Variants in PTPRR observed in about 807,000 individuals in gnomAD.
The protein encoded by PTPRR is protein tyrosine phosphatase receptor type R.
A neutral mutation model predicts 77.2 loss-of-function variants in PTPRR; 38 were observed. The ratio of observed to expected loss-of-function variants is 0.49; its 90% CI spans 0.38 to 0.65. The LOEUF is 0.65. PTPRR is among the 30% of genes least tolerant of loss of function. PTPRR has a pLI of 0.00. For missense variants in PTPRR, 744 were observed against 799.2 expected (o/e 0.93, Z 0.83); for synonymous variants, 299 against 283.1 (o/e 1.06, Z -0.57).
At chr12:70,757,853 T>A (rs1513099) in intron 4 of PTPRR, among the ~76,000 whole-genome samples, 2 of 152,020 alleles carry the variant, frequency 1.3e-5, no homozygotes, top group African/African-American at 4.8e-5. Context: ...GTATAAGTTG[T>A]TATAAAAGAT....
intron 11 of PTPRR, 147 bp from the exon 12 acceptor site, chr12:70,661,244 T>C (rs1028809982): frequency 4.0e-6 from 4 of 997,850 alleles, no homozygotes; most frequent in Non-Finnish European, 6.1e-6. Context: ...TTTTGAAGAG[T>C]GCCCTTTTAC....
intron 2 of PTPRR, among the ~76,000 whole-genome samples, chr12:70,767,856 A>C (rs1385368590): frequency 6.6e-6 from 1 of 152,234 alleles, no homozygotes; most frequent in Non-Finnish European, 1.5e-5. Context: ...CAGGATTAAG[A>C]AACTCACTCA....
At chr12:70,837,641 C>A (rs1023639824) in intron 2 of PTPRR, among the ~76,000 whole-genome samples, 1 of 152,074 alleles carries the variant, frequency 6.6e-6, no homozygotes, top group Non-Finnish European at 1.5e-5. Flanking sequence ...GTTTCATGCC[C>A]TCTCTGGGTA....
chr12:70,843,959 G>T (rs1892440823), intron 2 of PTPRR, among the ~76,000 whole-genome samples: 1 of 151,824 alleles, frequency 6.6e-6, no homozygotes, highest in Non-Finnish European at 1.5e-5. Context: ...GGGTTTACAG[G>T]TGTCTGCCAC....
chr12:70,774,918 A>G (rs1159828053), intron 2 of PTPRR, among the ~76,000 whole-genome samples: 1 of 152,216 alleles, frequency 6.6e-6, no homozygotes, highest in Admixed American at 6.5e-5. Context: ...TGAAACCATA[A>G]CAAGTATGAC....
chr12:70,754,483 T>A (rs1592734906), intron 4 of PTPRR, 182 bp from the exon 5 acceptor site: 2 of 1,558,222 alleles, frequency 1.3e-6, no homozygotes, highest in East Asian at 4.5e-5. Flanking sequence ...TCCTTATATA[T>A]CGAGATTATT....
chr12:70,754,125 A>G, intron 5 of PTPRR, 66 bp downstream of exon 5: 1 of 1,433,636 alleles, frequency 7.0e-7, no homozygotes, highest in East Asian at 2.3e-5. Flanking sequence ...TTTGAATGGC[A>G]ATGTACCCAC....
chr12:70,882,974 AT>A (rs1461261965), intron 2 of PTPRR, among the ~76,000 whole-genome samples: 6 of 152,150 alleles, frequency 3.9e-5, no homozygotes, highest in African/African-American at 1.4e-4. Flanking sequence ...TAATCCTCCC[AT>A]TTAAAAGATA....
At chr12:70,801,081 T>A (rs1435403794) in intron 2 of PTPRR, among the ~76,000 whole-genome samples, 1 of 152,110 alleles carries the variant, frequency 6.6e-6, no homozygotes, top group East Asian at 1.9e-4. Flanking sequence ...GAATGAGAGT[T>A]AAATAGAGTA....
chr12:70,805,759 A>G (rs1385152950), intron 2 of PTPRR, among the ~76,000 whole-genome samples: 2 of 152,234 alleles, frequency 1.3e-5, no homozygotes, highest in Admixed American at 6.5e-5. Context: ...TTCCCATTCT[A>G]AGGATGAGGA....
intron 6 of PTPRR, among the ~76,000 whole-genome samples, chr12:70,729,110 T>C (rs1240823460): frequency 1.3e-5 from 2 of 152,118 alleles, no homozygotes; most frequent in African/African-American, 2.4e-5. Flanking sequence ...AGTTCCCAAA[T>C]AGGAATAATT....
intron 10 of PTPRR, among the ~76,000 whole-genome samples, chr12:70,680,727 G>T (rs1887624257): frequency 6.6e-6 from 1 of 152,148 alleles, no homozygotes; most frequent in South Asian, 2.1e-4. Flanking sequence ...GCAAGCATGG[G>T]GCTTGGCTTG....
intron 2 of PTPRR, among the ~76,000 whole-genome samples, chr12:70,821,428 C>G (rs1016026446): frequency 9.3e-5 from 14 of 150,880 alleles, no homozygotes; most frequent in African/African-American, 3.4e-4. Flanking sequence ...GGTTTAACCA[C>G]TTTGGCCAGG....
At chr12:70,872,208 C>T (rs1378706742) in intron 2 of PTPRR, among the ~76,000 whole-genome samples, 1 of 151,924 alleles carries the variant, frequency 6.6e-6, no homozygotes, top group African/African-American at 2.4e-5. Flanking sequence ...TTATTTCATG[C>T]TTGTAAAATT....
At chr12:70,784,767 G>A (rs1386931247) in intron 2 of PTPRR, among the ~76,000 whole-genome samples, 1 of 152,218 alleles carries the variant, frequency 6.6e-6, no homozygotes, top group Non-Finnish European at 1.5e-5. Flanking sequence ...TGCTTCTTTG[G>A]ATATTCAGTA....
At chr12:70,772,387 T>C (rs1890997633) in intron 2 of PTPRR, among the ~76,000 whole-genome samples, 1 of 152,146 alleles carries the variant, frequency 6.6e-6, no homozygotes, top group South Asian at 2.1e-4. Context: ...AAGAGATTAA[T>C]ACTGTTTCAA....
At chr12:70,858,739 C>T (rs1196449294) in intron 2 of PTPRR, among the ~76,000 whole-genome samples, 1 of 152,080 alleles carries the variant, frequency 6.6e-6, no homozygotes, top group Non-Finnish European at 1.5e-5. Context: ...GAGTGTCCAA[C>T]TGCTTACCTT....
At chr12:70,667,411 G>A (rs1286753309) in intron 10 of PTPRR, among the ~76,000 whole-genome samples, 1 of 152,126 alleles carries the variant, frequency 6.6e-6, no homozygotes, top group African/African-American at 2.4e-5. Flanking sequence ...TTTTGTTTGG[G>A]CGCAGTCAGC....
At chr12:70,900,494 G>A (rs777287382) in intron 1 of PTPRR, among the ~76,000 whole-genome samples, 6 of 151,074 alleles carry the variant, frequency 4.0e-5, no homozygotes, top group Admixed American at 1.3e-4. Context: ...GACCCCAAAA[G>A]CACAGGCAAC....
Sources: allele counts gnomAD v4.1 joint callset (sites outside exome capture counted in the v4.1 genomes callset), GRCh38; gene constraint gnomAD v4.1.1; transcripts MANE v1.5; gene names NCBI Gene and HGNC (gene_info 2026-07-23, HGNC 2026-07-21).